CAPSL: variants seen among roughly 807,000 people sequenced by gnomAD.
CAPSL encodes calcyphosin-like protein.
Under a neutral mutation model 21.3 loss-of-function variants are expected in CAPSL, and 17 were observed. The ratio of observed to expected loss-of-function variants is 0.80; its 90% CI spans 0.55 to 1.20. The LOEUF is 1.20. Among genes scored for constraint, CAPSL ranks in the 50% most tolerant of loss-of-function variants. The pLI is 0.00. For synonymous variants in CAPSL, 102 were observed against 89.3 expected, an observed-to-expected ratio of 1.14 and a Z score of -0.80; for missense variants, 289 against 259.3, an observed-to-expected ratio of 1.11 and a Z score of -0.79.
Position 35,928,566 on chromosome 5 carries a change from C to A in CAPSL, c.1-7446G>T, listed in dbSNP as rs555705453. On this transcript the variant is annotated intron_variant, in intron 1 of 4. Coordinates refer to ENST00000651391, the MANE Select transcript of CAPSL (RefSeq NM_001042625.2). Reference sequence around the variant, plus strand: ...ACCACAAGCTATGCAAGGCACTGTGCTAACTCTTCAGGTGATAATTATAGA... The same window carrying A: ...ACCACAAGCTATGCAAGGCACTGTGATAACTCTTCAGGTGATAATTATAGA... Among the ~76,000 whole-genome samples, 5 of 152,262 alleles carry A rather than the reference C, an allele frequency of 3.3e-5. No homozygotes were observed. The East Asian group carries it at 9.6e-4, about 29-fold the overall frequency.
At chr5:35,912,211 G>A (rs1229132814) in intron 2 of CAPSL, among the ~76,000 whole-genome samples, 2 of 152,310 alleles carry the variant, frequency 1.3e-5, no homozygotes, top group African/African-American at 4.8e-5. Flanking sequence ...AAAGCAGCCA[G>A]GAAGCTCAAA....
At chr5:35,914,805 G>A (rs1197206220) in intron 2 of CAPSL, among the ~76,000 whole-genome samples, 1 of 152,118 alleles carries the variant, frequency 6.6e-6, no homozygotes, top group Non-Finnish European at 1.5e-5. Context: ...AAGAACTAGA[G>A]AAGCAAGAGC....
chr5:35,913,957 G>A (rs2149920381), intron 2 of CAPSL, among the ~76,000 whole-genome samples: 1 of 152,236 alleles, frequency 6.6e-6, no homozygotes, highest in East Asian at 1.9e-4. Context: ...CTGTATTCAG[G>A]AAACCCATCT....
Position 35,904,501 on chromosome 5 carries a change from G to T in CAPSL, c.*44C>A. 7.3e-7 allele frequency: 1 copy of T among 1,366,392 alleles called. No individual in the cohort carries two copies. Among genetic ancestry groups the T allele is most frequent in the Non-Finnish European group, 1.0e-6 (1 of 965,250 alleles). 84.6% of individuals were successfully genotyped at this position (1,366,392 alleles called of 1,614,324 possible). A position where few individuals can be genotyped will look rare whatever the true frequency, so the allele number is the denominator to read the frequency against. ...TTTTTGAGCTGACATTTAGTCATTT[G>T]GAGCCACATGGCTGTCCCAGGGCCT... On this transcript the variant is annotated 3_prime_UTR_variant, in exon 5 of 5. Transcript: ENST00000651391.
At chr5:35,923,825 C>T (rs1023323716) in intron 1 of CAPSL, among the ~76,000 whole-genome samples, 2 of 152,106 alleles carry the variant, frequency 1.3e-5, no homozygotes, top group African/African-American at 4.8e-5. Flanking sequence ...TGGAACTTGA[C>T]ATAGACGGTG....
chr5:35,913,539 T>A (rs6859465), intron 2 of CAPSL, among the ~76,000 whole-genome samples: 11 of 151,712 alleles, frequency 7.3e-5, no homozygotes, highest in African/African-American at 2.7e-4. Flanking sequence ...CAGAAGAGAG[T>A]GGGGGCCAAT....
chr5:35,907,596 G>T lies in CAPSL; in HGVS notation c.525+2270C>A, dbSNP rs145876670. ...CCGGCTGCTATGGGAGTCCAGTGAG[G>T]TATTAGTGCAAGATTTATGACATCA... On this transcript the variant is annotated intron_variant, in intron 4 of 4. Coordinates refer to ENST00000651391, the MANE Select transcript of CAPSL (RefSeq NM_001042625.2). 1.3e-4 allele frequency among the ~76,000 whole-genome samples: 20 copies of T among 152,264 alleles called. No homozygotes were observed. In the East Asian group the frequency reaches 3.7e-3, roughly 28 times the overall value.
intron 2 of CAPSL, among the ~76,000 whole-genome samples, chr5:35,914,265 C>A (rs1298576369): frequency 1.3e-5 from 2 of 152,148 alleles, no homozygotes; most frequent in East Asian, 1.9e-4. Context: ...TAATGGGAGA[C>A]TTTACCACCC....
chr5:35,917,470 T>C (rs1005350505), intron 2 of CAPSL, among the ~76,000 whole-genome samples: 1 of 152,222 alleles, frequency 6.6e-6, no homozygotes, highest in Non-Finnish European at 1.5e-5. Context: ...CCAACCCAAA[T>C]GTCCAACAAT....
chr5:35,927,681 G>C (rs1738720252), intron 1 of CAPSL, among the ~76,000 whole-genome samples: 1 of 152,082 alleles, frequency 6.6e-6, no homozygotes, highest in South Asian at 2.1e-4. Flanking sequence ...TTGGAAACTG[G>C]GTATAAGATT....
rs951746439 is a variant in CAPSL at position 35,904,428 on chromosome 5, A to G, written c.*117T>C. 26 of 779,868 alleles carry G rather than the reference A, an allele frequency of 3.3e-5. No homozygotes were observed. The highest frequency in any genetic ancestry group is 5.4e-5 in the Non-Finnish European group (26 of 478,320). The allele number at this position is 779,868 out of a possible 1,614,324, so 48.3% of individuals were successfully genotyped here. On this transcript the variant is annotated 3_prime_UTR_variant, in exon 5 of 5. Transcript: ENST00000651391. ...TGGCCCCAGAAAATGCAATATTTTGACACAGAAAAAAACATTAGGATGAGT... is the reference window on the plus strand; with the variant it reads ...TGGCCCCAGAAAATGCAATATTTTGGCACAGAAAAAAACATTAGGATGAGT...
chr5:35,908,690 G>A (rs1389813535), intron 4 of CAPSL, among the ~76,000 whole-genome samples: 1 of 152,174 alleles, frequency 6.6e-6, no homozygotes, highest in Admixed American at 6.5e-5. Context: ...CTGTCCCTAA[G>A]ATTTTGGCTG....
At chr5:35,933,312 A>G (rs1645172) in intron 1 of CAPSL, among the ~76,000 whole-genome samples, 34,284 of 152,018 alleles carry the variant, frequency 0.23, 4,193 homozygotes, top group Non-Finnish European at 0.28. Flanking sequence ...AAGTCTTGAT[A>G]ACAATTCTTA....
chr5:35,910,422 A>G lies in CAPSL; in HGVS notation c.259T>C (p.Phe87Leu), dbSNP rs1738185052. The G allele has an allele frequency of 6.2e-7, 1 of 1,613,940 alleles. No homozygotes were observed. Among genetic ancestry groups the G allele is most frequent in the Non-Finnish European group, 8.5e-7 (1 of 1,179,904 alleles). The change falls in exon 3 of 5, where the codon TTT becomes CTT. Residue 87 changes from phenylalanine (F) to leucine (L), a missense_variant. Physicochemically the swap from Phe to Leu is conservative, Grantham distance 22. Coordinates refer to ENST00000651391, the MANE Select transcript of CAPSL (RefSeq NM_001042625.2). ...KEEVEELFRR[F>L]DKDGNGTIDF... ...ATTGTTCCATTTCCATCTTTATCAA[A>G]CCTCCGGAAAAGTTCTTCCACCTCT...
intron 2 of CAPSL, among the ~76,000 whole-genome samples, chr5:35,913,683 T>A (rs1738292983): frequency 6.6e-6 from 1 of 152,160 alleles, no homozygotes; most frequent in South Asian, 2.1e-4. Context: ...CCACCAGGCC[T>A]GCCCTAAAAG....
At chr5:35,907,290 T>C in intron 4 of CAPSL, among the ~76,000 whole-genome samples, 1 of 152,096 alleles carries the variant, frequency 6.6e-6, no homozygotes, top group South Asian at 2.1e-4. Flanking sequence ...ATACATACAC[T>C]CAGTAATATA....
intron 4 of CAPSL, among the ~76,000 whole-genome samples, chr5:35,908,017 C>T (rs995294145): frequency 7.2e-5 from 11 of 152,214 alleles, no homozygotes; most frequent in African/African-American, 2.7e-4. Context: ...TGAGATATCC[C>T]TGGTAAGCCC....
At chr5:35,922,235 G>T (rs915876221) in intron 1 of CAPSL, among the ~76,000 whole-genome samples, 6 of 152,102 alleles carry the variant, frequency 3.9e-5, no homozygotes, top group African/African-American at 1.4e-4. Flanking sequence ...CAAGAGTGTT[G>T]TTCTCCTATA....
chr5:35,919,761 G>A (rs570434585), intron 2 of CAPSL, among the ~76,000 whole-genome samples: 6 of 152,282 alleles, frequency 3.9e-5, no homozygotes, highest in African/African-American at 1.4e-4. Flanking sequence ...GCCAGTAAGT[G>A]AGGCAGATGG....
Sources: allele counts gnomAD v4.1 joint callset (sites outside exome capture counted in the v4.1 genomes callset), GRCh38; gene constraint gnomAD v4.1.1; transcripts MANE v1.5; gene names NCBI Gene and HGNC (gene_info 2026-07-23, HGNC 2026-07-21).